LUZP2: variants seen among roughly 807,000 people sequenced by gnomAD.
LUZP2 encodes the protein leucine zipper protein 2.
A neutral mutation model predicts 51.6 loss-of-function variants in LUZP2; 52 were observed. The observed-to-expected ratio is 1.01, with a 90% CI of 0.81 to 1.27. LUZP2 has a LOEUF of 1.27. LUZP2 is among the 50% of genes most tolerant of loss of function. The pLI is 0.00. For missense variants in LUZP2, 436 were observed against 395.4 expected (o/e 1.10, Z -0.87); for synonymous variants, 154 against 137.3 (o/e 1.12, Z -0.85).
chr11:24,983,710 C>T (rs1005563996), intron 9 of LUZP2, among the ~76,000 whole-genome samples: 1 of 150,914 alleles, frequency 6.6e-6, no homozygotes, highest in Non-Finnish European at 1.5e-5. Flanking sequence ...ACACTGGCTG[C>T]ACATTAGAAT....
intron 1 of LUZP2, among the ~76,000 whole-genome samples, chr11:24,573,127 C>T (rs11028028): frequency 0.58 from 87,618 of 151,270 alleles, 26,011 homozygotes; most frequent in East Asian, 0.8. Flanking sequence ...TTTTTTCAAG[C>T]ATGGTATTTA....
intron 1 of LUZP2, among the ~76,000 whole-genome samples, chr11:24,622,610 C>T (rs572608348): frequency 6.6e-6 from 1 of 152,214 alleles, no homozygotes; most frequent in East Asian, 1.9e-4. Flanking sequence ...TAAAAAATAA[C>T]TAAACTTAGT....
At chr11:24,921,318 G>T (rs1305092495) in intron 7 of LUZP2, among the ~76,000 whole-genome samples, 2 of 152,148 alleles carry the variant, frequency 1.3e-5, no homozygotes, top group African/African-American at 4.8e-5. Context: ...CCAGGGGATT[G>T]GTTTGACCAG....
intron 5 of LUZP2, among the ~76,000 whole-genome samples, chr11:24,791,951 G>A (rs992069626): frequency 5.6e-5 from 5 of 89,102 alleles, no homozygotes; most frequent in Admixed American, 1.7e-4. Flanking sequence ...TTTTCTTAGT[G>A]AGAGTCTTTT....
At chr11:24,892,127 G>A in intron 5 of LUZP2, 1 of 985,634 alleles carries the variant, frequency 1.0e-6, no homozygotes, top group Non-Finnish European at 1.2e-6. Context: ...TCACTGTGGA[G>A]CTAGACTCGT....
intron 5 of LUZP2, among the ~76,000 whole-genome samples, chr11:24,786,929 G>T (rs2134086601): frequency 6.6e-6 from 1 of 151,984 alleles, no homozygotes; most frequent in Non-Finnish European, 1.5e-5. Flanking sequence ...TTGTACACTT[G>T]AAAAATAATA....
intron 1 of LUZP2, among the ~76,000 whole-genome samples, chr11:24,694,622 A>G (rs1750190400): frequency 2.0e-5 from 3 of 152,088 alleles, no homozygotes; most frequent in African/African-American, 7.2e-5. Flanking sequence ...ACGTGCACAC[A>G]TATGTTTATT....
At chr11:24,717,406 A>G (rs1858088820) in intron 1 of LUZP2, among the ~76,000 whole-genome samples, 1 of 149,784 alleles carries the variant, frequency 6.7e-6, no homozygotes, top group African/African-American at 2.5e-5. Context: ...TTAGAACCCA[A>G]TAGTTTTTTT....
At chr11:24,562,874 A>G (rs558234082) in intron 1 of LUZP2, among the ~76,000 whole-genome samples, 10 of 152,050 alleles carry the variant, frequency 6.6e-5, no homozygotes, top group African/African-American at 2.2e-4. Context: ...AAAAAAAAAA[A>G]AAAAAGAAAG....
chr11:24,549,522 G>A (rs2896707), intron 1 of LUZP2, among the ~76,000 whole-genome samples: 29,117 of 151,878 alleles, frequency 0.19, 3,404 homozygotes, highest in Middle Eastern at 0.34. Context: ...TAGCATAGTC[G>A]TTTATCATCA....
intron 9 of LUZP2, among the ~76,000 whole-genome samples, chr11:25,034,495 G>A (rs74401972): frequency 0.031 from 4,698 of 152,072 alleles, 213 homozygotes; most frequent in African/African-American, 0.1. Context: ...TGTTTTCCAA[G>A]GCCAATGTCA....
chr11:24,836,294 T>G (rs1472209768), intron 5 of LUZP2, among the ~76,000 whole-genome samples: 1 of 151,270 alleles, frequency 6.6e-6, no homozygotes, highest in African/African-American at 2.5e-5. Context: ...GTCATCACTG[T>G]TTTTAATATT....
At chr11:24,594,416 C>T (rs1853361952) in intron 1 of LUZP2, among the ~76,000 whole-genome samples, 1 of 152,102 alleles carries the variant, frequency 6.6e-6, no homozygotes, top group Admixed American at 6.6e-5. Flanking sequence ...AGGGAGCCAC[C>T]ATTTTTGTTT....
intron 10 of LUZP2, among the ~76,000 whole-genome samples, chr11:25,073,016 A>G (rs1859199535): frequency 2.0e-5 from 3 of 152,114 alleles, no homozygotes; most frequent in African/African-American, 7.2e-5. Context: ...CTCAGAACAA[A>G]GACAGCACTT....
At chr11:24,796,667 A>G (rs1447190543) in intron 5 of LUZP2, among the ~76,000 whole-genome samples, 1 of 152,056 alleles carries the variant, frequency 6.6e-6, no homozygotes, top group Non-Finnish European at 1.5e-5. Flanking sequence ...CAGATTCAAT[A>G]TTCTTGTGGT....
chr11:25,064,372 C>G (rs963208013), intron 10 of LUZP2, among the ~76,000 whole-genome samples: 2 of 151,746 alleles, frequency 1.3e-5, no homozygotes, highest in East Asian at 3.9e-4. Flanking sequence ...TATAAATTTC[C>G]TGTGTGATTA....
chr11:25,068,410 A>T (rs1340319650), intron 10 of LUZP2, among the ~76,000 whole-genome samples: 3 of 151,952 alleles, frequency 2.0e-5, no homozygotes, highest in South Asian at 2.1e-4. Context: ...TGGAACTCTA[A>T]CTCCAAATAT....
At chr11:24,875,113 T>G (rs1852203676) in intron 5 of LUZP2, among the ~76,000 whole-genome samples, 1 of 151,910 alleles carries the variant, frequency 6.6e-6, no homozygotes, top group Non-Finnish European at 1.5e-5. Flanking sequence ...TATTTTATTA[T>G]TATTATACTT....
At chr11:24,817,373 T>A (rs1373384411) in intron 5 of LUZP2, among the ~76,000 whole-genome samples, 1 of 152,006 alleles carries the variant, frequency 6.6e-6, no homozygotes, top group Non-Finnish European at 1.5e-5. Flanking sequence ...TATATCGTAT[T>A]TCTAGTTGGC....
Sources: gnomAD v4.1 joint callset for allele counts (sites outside exome capture counted in the v4.1 genomes callset) on GRCh38, gnomAD v4.1.1 for gene constraint, MANE v1.5 for transcripts, NCBI Gene and HGNC (gene_info 2026-07-23, HGNC 2026-07-21) for gene names.